VAC14: variants seen among roughly 807,000 people sequenced by gnomAD.
The protein encoded by VAC14 is protein VAC14 homolog.
VAC14 carries 47 observed loss-of-function variants against 85.3 expected under a neutral mutation model. The ratio of observed to expected loss-of-function variants is 0.55; its 90% CI spans 0.44 to 0.70. VAC14 has a LOEUF of 0.70. Among genes scored for constraint, VAC14 ranks in the 30% least tolerant of loss-of-function variants. The pLI is 0.00. For synonymous variants in VAC14, 447 were observed against 430.5 expected (o/e 1.04, Z -0.47); for missense variants, 861 against 1,004.3 (o/e 0.86, Z 1.93).
intron 16 of VAC14, chr16:70,695,902 T>C (rs756301916): frequency 3.4e-5 from 11 of 319,108 alleles, no homozygotes; most frequent in East Asian, 1.0e-4. Context: ...CTGCAGCCCG[T>C]TGGGGGAGGG....
chr16:70,786,418 C>T, intron 1 of VAC14, 53 bp from the exon 2 acceptor site: 1 of 1,592,134 alleles, frequency 6.3e-7, no homozygotes, highest in East Asian at 2.2e-5. Flanking sequence ...CTGCTGTGGC[C>T]TCCAGGGCCT....
chr16:70,744,481 G>A lies in VAC14; in HGVS notation c.1470C>T (p.Ala490=), dbSNP rs373341293. The change falls in exon 13 of 19, where the codon GCC becomes GCT. Residue 490 remains alanine (A), a synonymous_variant. Transcript: ENST00000261776. Reference sequence around the variant, plus strand: ...TGGGCACCTGGAGCTCTGAGTGGCTGGCCTGGAGGTCAGGGCCATCGAGGG... The same window carrying A: ...TGGGCACCTGGAGCTCTGAGTGGCTAGCCTGGAGGTCAGGGCCATCGAGGG... The part of the protein sequence containing the change: ...PGPLDGPDLQ[A]SHSELQVPTP... 6.2e-7 allele frequency: 1 copy of A among 1,613,770 alleles called. No individual in the cohort carries two copies. The highest frequency in any genetic ancestry group is 8.5e-7 in the Non-Finnish European group (1 of 1,180,028).
At chr16:70,708,134 CCT>C (rs1020121409) in intron 14 of VAC14, among the ~76,000 whole-genome samples, 9 of 152,284 alleles carry the variant, frequency 5.9e-5, no homozygotes, top group Admixed American at 1.3e-4. Flanking sequence ...CACCCCGTCC[CCT>C]GTGTCCATTC....
intron 14 of VAC14, chr16:70,714,955 A>T (rs1166019532): frequency 6.6e-6 from 1 of 152,328 alleles, no homozygotes; most frequent in Non-Finnish European, 1.5e-5. Flanking sequence ...TCCCACTGGA[A>T]GCTCTGTGAG....
At chr16:70,784,315 G>T in intron 4 of VAC14, 95 bp from the exon 5 acceptor site, 1 of 988,852 alleles carries the variant, frequency 1.0e-6, no homozygotes, top group Non-Finnish European at 1.6e-6. Flanking sequence ...CAGCGCTCAG[G>T]CGGCCACCAA....
chr16:70,800,948 G>A lies in VAC14; in HGVS notation c.-48C>T. 1 of 1,427,548 alleles carries A rather than the reference G, an allele frequency of 7.0e-7. No individual in the cohort carries two copies. The highest frequency in any genetic ancestry group is 9.4e-7 in the Non-Finnish European group (1 of 1,060,758). 88.4% of individuals were successfully genotyped at this position (1,427,548 alleles called of 1,614,324 possible). A position where few individuals can be genotyped will look rare whatever the true frequency, so the allele number is the denominator to read the frequency against. On this transcript the variant is annotated 5_prime_UTR_variant, in exon 1 of 19. Transcript: ENST00000261776. ...CGACTCCTTAGCCCGCGGCTGCCGG[G>A]GCCGCGCCGGGGCCAGGGGAGTCTG...
intron 12 of VAC14, among the ~76,000 whole-genome samples, chr16:70,754,490 G>A (rs1181111325): frequency 6.6e-6 from 1 of 152,180 alleles, no homozygotes; most frequent in African/African-American, 2.4e-5. Flanking sequence ...GGCTGGCGGT[G>A]GCCCTTCTCC....
intron 10 of VAC14, among the ~76,000 whole-genome samples, chr16:70,763,971 C>T (rs185666810): frequency 6.6e-6 from 1 of 152,336 alleles, no homozygotes; most frequent in African/African-American, 2.4e-5. Context: ...CACTGTACTT[C>T]CCAAATGGTG....
chr16:70,756,857 G>A (rs752495598), intron 12 of VAC14, among the ~76,000 whole-genome samples: 3 of 152,170 alleles, frequency 2.0e-5, no homozygotes, highest in Non-Finnish European at 4.4e-5. Context: ...CTGAGTCATG[G>A]CCGTGCCACA....
rs1347511746 is a variant in VAC14 at position 70,801,043 on chromosome 16, G to T, written c.-143C>A. ...CTAGGCTTGCCTGCCACGCTCCGCC[G>T]CCTCGCCCTGGAACCCGGGCCCGGA... is the stretch of plus-strand genomic sequence containing the variant. On this transcript the variant is annotated 5_prime_UTR_variant, in exon 1 of 19. Transcript: ENST00000261776. 1.9e-6 allele frequency: 1 copy of T among 523,914 alleles called. No homozygotes were observed. 32.5% of individuals were successfully genotyped at this position (523,914 alleles called of 1,614,324 possible).
chr16:70,694,949 G>A (rs894795472), intron 17 of VAC14, among the ~76,000 whole-genome samples: 4 of 152,172 alleles, frequency 2.6e-5, no homozygotes, highest in Non-Finnish European at 5.9e-5. Flanking sequence ...GGGTGGCTGG[G>A]GACAGCCCAG....
intron 17 of VAC14, among the ~76,000 whole-genome samples, chr16:70,694,844 G>A (rs1035147646): frequency 3.3e-5 from 5 of 152,264 alleles, no homozygotes; most frequent in African/African-American, 1.2e-4. Flanking sequence ...CTTTCAGAGA[G>A]GTACAGGCAT....
intron 15 of VAC14, among the ~76,000 whole-genome samples, 155 bp downstream of exon 15, chr16:70,698,482 G>C (rs775465916): frequency 6.6e-6 from 1 of 152,198 alleles, no homozygotes; most frequent in East Asian, 1.9e-4. Context: ...CACTCACCCG[G>C]GATCCCTATT....
At chr16:70,727,620 G>A (rs897448614) in intron 14 of VAC14, among the ~76,000 whole-genome samples, 2 of 152,244 alleles carry the variant, frequency 1.3e-5, no homozygotes, top group African/African-American at 4.8e-5. Context: ...TTACAGGCAT[G>A]AGCCACTGCA....
intron 9 of VAC14, among the ~76,000 whole-genome samples, chr16:70,779,527 G>C (rs2033703297): frequency 6.6e-6 from 1 of 152,060 alleles, no homozygotes; most frequent in South Asian, 2.1e-4. Context: ...GTCTTGTTTT[G>C]CTGTCTTGCC....
chr16:70,755,636 C>T (rs1307370198), intron 12 of VAC14, among the ~76,000 whole-genome samples: 2 of 152,352 alleles, frequency 1.3e-5, no homozygotes, highest in South Asian at 2.1e-4. Flanking sequence ...GCACAAGCCC[C>T]GCAGACTTCA....
chr16:70,691,316 G>T, intron 18 of VAC14: 1 of 985,444 alleles, frequency 1.0e-6, no homozygotes, highest in Non-Finnish European at 1.2e-6. Context: ...GAGACTGGAG[G>T]TCACAGGGAA....
Position 70,689,045 on chromosome 16 carries a change from G to A in VAC14, c.2187-955C>T, listed in dbSNP as rs906465566. The A allele has an allele frequency of 7.1e-6, 7 of 985,126 alleles. No homozygotes were observed. In the African/African-American group the frequency reaches 1.2e-4, roughly 17 times the overall value. The allele number at this position is 985,126 out of a possible 1,614,324, so 61.0% of individuals were successfully genotyped here. On this transcript the variant is annotated intron_variant, in intron 18 of 18. Transcript: ENST00000261776. ...GAGTCTTGGGGCCCTTCAAGTTTAT[G>A]AAAAGATGCCAATCGGCGGGGCCGG...
chr16:70,791,913 G>C (rs1327074600), intron 1 of VAC14, among the ~76,000 whole-genome samples: 1 of 152,132 alleles, frequency 6.6e-6, no homozygotes, highest in Admixed American at 6.5e-5. Flanking sequence ...TAACCTGCTG[G>C]GTTAATCAAT....
Sources: gnomAD v4.1 joint callset for allele counts (sites outside exome capture counted in the v4.1 genomes callset) on GRCh38, gnomAD v4.1.1 for gene constraint, MANE v1.5 for transcripts, NCBI Gene and HGNC (gene_info 2026-07-23, HGNC 2026-07-21) for gene names.